Variants in ZYG11A observed in about 807,000 individuals in gnomAD.
ZYG11A encodes zyg-11 family member A, cell cycle regulator.
ZYG11A carries 62 observed loss-of-function variants against 77.2 expected under a neutral mutation model. The observed-to-expected ratio is 0.80, with a 90% CI of 0.65 to 0.99. The LOEUF is 0.99. ZYG11A is among the 50% of genes least tolerant of loss of function. The pLI is 0.00. For synonymous variants in ZYG11A, 315 were observed against 324.6 expected (o/e 0.97, Z 0.32); for missense variants, 828 against 896.8 (o/e 0.92, Z 0.98).
At chr1:52,879,937 AT>A (rs1014810400) in intron 10 of ZYG11A, among the ~76,000 whole-genome samples, 1 of 149,600 alleles carries the variant, frequency 6.7e-6, no homozygotes, top group Non-Finnish European at 1.5e-5. Context: ...TAATTTTTGT[AT>A]TTTTTTTAGT....
chr1:52,846,310 T>TTATATATATATATA (rs869093943), intron 1 of ZYG11A, among the ~76,000 whole-genome samples: 4 of 35,782 alleles, frequency 1.1e-4, no homozygotes, highest in Non-Finnish European at 2.3e-4. Context: ...TTTTAAATTT[T>TTATATATATATATA]TATATATATA....
At chr1:52,889,089 A>AG (rs1646496781) in intron 13 of ZYG11A, among the ~76,000 whole-genome samples, 1 of 152,200 alleles carries the variant, frequency 6.6e-6, no homozygotes, top group Non-Finnish European at 1.5e-5. Context: ...AACAACTAGA[A>AG]GGGTAAGCAT....
At chr1:52,855,117 T>C (rs1479222746) in intron 2 of ZYG11A, among the ~76,000 whole-genome samples, 3 of 151,788 alleles carry the variant, frequency 2.0e-5, no homozygotes, top group African/African-American at 7.3e-5. Context: ...CTGCCTTGGC[T>C]TCCCAAAGTG....
intron 8 of ZYG11A, among the ~76,000 whole-genome samples, chr1:52,871,974 TCTTATG>T (rs1479597316): frequency 1.3e-5 from 2 of 152,238 alleles, no homozygotes; most frequent in African/African-American, 2.4e-5. Context: ...ACGGGTGGAA[TCTTATG>T]CTTATGAGTA....
At chr1:52,857,801 A>C in intron 3 of ZYG11A, 52 bp downstream of exon 3, 1 of 1,462,994 alleles carries the variant, frequency 6.8e-7, no homozygotes, top group Non-Finnish European at 9.1e-7. Flanking sequence ...ACATTATTAA[A>C]CTCGTGCTAT....
chr1:52,885,003 GC>G (rs1646423227), intron 11 of ZYG11A, among the ~76,000 whole-genome samples: 1 of 151,952 alleles, frequency 6.6e-6, no homozygotes, highest in Admixed American at 6.6e-5. Flanking sequence ...CTGCCTCCTG[GC>G]TTCAAGCGAT....
At chr1:52,878,866 G>A (rs1185350981) in intron 10 of ZYG11A, among the ~76,000 whole-genome samples, 1 of 146,140 alleles carries the variant, frequency 6.8e-6, no homozygotes, top group Non-Finnish European at 1.5e-5. Context: ...TTGAACCTGG[G>A]AGGTAGAGAT....
At chr1:52,870,324 C>G (rs1261580846) in intron 8 of ZYG11A, among the ~76,000 whole-genome samples, 1 of 148,430 alleles carries the variant, frequency 6.7e-6, no homozygotes, top group Non-Finnish European at 1.5e-5. Flanking sequence ...AGAGACGCTT[C>G]TCACTTCCTA....
chr1:52,847,899 T>C (rs1444580066), intron 1 of ZYG11A, among the ~76,000 whole-genome samples: 1 of 150,734 alleles, frequency 6.6e-6, no homozygotes, highest in Non-Finnish European at 1.5e-5. Flanking sequence ...AGATGGAGTC[T>C]CGCTCTGTCG....
chr1:52,883,036 TATA>T (rs1646387141), intron 11 of ZYG11A, among the ~76,000 whole-genome samples: 1 of 151,516 alleles, frequency 6.6e-6, no homozygotes, highest in Non-Finnish European at 1.5e-5. Context: ...CTTCTAAAAA[TATA>T]ATATCCTGTT....
chr1:52,878,451 A>T (rs1646300699), intron 10 of ZYG11A, among the ~76,000 whole-genome samples: 2 of 152,318 alleles, frequency 1.3e-5, no homozygotes, highest in African/African-American at 4.8e-5. Flanking sequence ...ACCTCTGCTT[A>T]TATCACCTTG....
chr1:52,850,445 A>G (rs1645687219), intron 1 of ZYG11A, among the ~76,000 whole-genome samples: 1 of 151,742 alleles, frequency 6.6e-6, no homozygotes, highest in African/African-American at 2.4e-5. Context: ...CAGCCTCCCA[A>G]ATAGCTGAGA....
At chr1:52,848,265 G>A (rs1645637268) in intron 1 of ZYG11A, among the ~76,000 whole-genome samples, 1 of 152,110 alleles carries the variant, frequency 6.6e-6, no homozygotes, top group Non-Finnish European at 1.5e-5. Flanking sequence ...CCTTCCAAAA[G>A]TGCTGGGATT....
chr1:52,864,550 A>G (rs968524019), intron 5 of ZYG11A, among the ~76,000 whole-genome samples: 4 of 152,216 alleles, frequency 2.6e-5, no homozygotes, highest in Non-Finnish European at 5.9e-5. Flanking sequence ...AATAGATATT[A>G]TTTAGTTCTG....
rs1258688561 is a variant in ZYG11A, at chr1:52,856,993, C to T, written c.257-5C>T. ...CATTACAAGTTGGTTCTGGTTCTTTCATAGGCAAGCTGACTGACAGAACAG... is the reference window on the plus strand; with the variant it reads ...CATTACAAGTTGGTTCTGGTTCTTTTATAGGCAAGCTGACTGACAGAACAG... On this transcript the variant is annotated splice_region_variant and splice_polypyrimidine_tract_variant and intron_variant, in intron 2 of 13. Coordinates refer to ENST00000371528, the MANE Select transcript of ZYG11A (RefSeq NM_001004339.3). The T allele has an allele frequency of 6.6e-7, 1 of 1,524,668 alleles. No individual in the cohort carries two copies. Among genetic ancestry groups the T allele is most frequent in the Non-Finnish European group, 8.8e-7 (1 of 1,132,032 alleles). The allele number at this position is 1,524,668 out of a possible 1,614,324, so 94.4% of individuals were successfully genotyped here. A position where few individuals can be genotyped will look rare whatever the true frequency, so the allele number is the denominator to read the frequency against.
rs7537091 is a variant in ZYG11A, at chr1:52,880,342, A to G, written c.1750-1129A>G. 2.2e-3 allele frequency among the ~76,000 whole-genome samples: 340 copies of G among 152,108 alleles called. 1 individual carries two copies. The highest frequency in any genetic ancestry group is 7.7e-3 in the African/African-American group (321 of 41,490). On this transcript the variant is annotated intron_variant, in intron 10 of 13. Coordinates refer to ENST00000371528, the MANE Select transcript of ZYG11A (RefSeq NM_001004339.3). ...TAGAGTGTGCTTTCCTGAATGGTTC[A>G]TCAGAAGCAGCAGTTAATGCTAACA...
chr1:52,860,455 G>A (rs757817167), intron 3 of ZYG11A, among the ~76,000 whole-genome samples: 3 of 152,026 alleles, frequency 2.0e-5, no homozygotes, highest in Non-Finnish European at 4.4e-5. Flanking sequence ...CTGCCACCAC[G>A]CCTGGCTAAT....
intron 2 of ZYG11A, among the ~76,000 whole-genome samples, chr1:52,856,034 T>A (rs1645803825): frequency 6.6e-6 from 1 of 152,246 alleles, no homozygotes; most frequent in Non-Finnish European, 1.5e-5. Flanking sequence ...TTTGAGGAAC[T>A]GCCAGACTAT....
chr1:52,857,420 A>G lies in ZYG11A; in HGVS notation c.679A>G (p.Lys227Glu), dbSNP rs1645834871. 1.9e-6 allele frequency: 3 copies of G among 1,552,002 alleles called. No individual in the cohort carries two copies. Among genetic ancestry groups the G allele is most frequent in the Non-Finnish European group, 2.6e-6 (3 of 1,147,046 alleles). Residue 227 changes from lysine to glutamate, a missense_variant, in exon 3 of 14, where the codon AAG becomes GAG. By Grantham distance (56) the Lys-to-Glu change is moderately conservative. Coordinates refer to ENST00000371528, the MANE Select transcript of ZYG11A (RefSeq NM_001004339.3). ...VTDISALLTC[K>E]DRLKSLTMHY... ...TGATATTTCTGCACTGCTTACCTGT[A>G]AGGATCGATTGAAGTCTCTCACAAT...
Sources: allele counts gnomAD v4.1 joint callset (sites outside exome capture counted in the v4.1 genomes callset), GRCh38; gene constraint gnomAD v4.1.1; transcripts MANE v1.5; gene names NCBI Gene and HGNC (gene_info 2026-07-23, HGNC 2026-07-21).